Variants in MPPED2 observed in about 807,000 individuals in gnomAD.
The protein encoded by MPPED2 is metallophosphoesterase domain containing 2.
A neutral mutation model predicts 33.0 loss-of-function variants in MPPED2; 5 were observed. The ratio of observed to expected loss-of-function variants is 0.15; its 90% CI spans 0.08 to 0.32. MPPED2 has a LOEUF of 0.32. MPPED2 is among the 10% of genes least tolerant of loss of function. The probability of loss-of-function intolerance (pLI) is 1.00; values close to 1 mark genes in which losing one functional copy is unlikely to be tolerated. For synonymous variants in MPPED2, 136 were observed against 141.9 expected, an observed-to-expected ratio of 0.96 and a Z score of 0.29; for missense variants, 275 against 372.1, an observed-to-expected ratio of 0.74 and a Z score of 2.15.
At chr11:30,456,532 C>T (rs1264040894) in intron 4 of MPPED2, among the ~76,000 whole-genome samples, 1 of 151,970 alleles carries the variant, frequency 6.6e-6, no homozygotes, top group African/African-American at 2.4e-5. Flanking sequence ...CTGTGTTTCT[C>T]CCCAATCCTG....
intron 4 of MPPED2, among the ~76,000 whole-genome samples, chr11:30,431,495 T>C (rs2133846614): frequency 6.6e-6 from 1 of 152,338 alleles, no homozygotes; most frequent in Non-Finnish European, 1.5e-5. Context: ...ATAAAGCTCC[T>C]AGCAGAGTGC....
chr11:30,574,501 G>A (rs112512419), intron 2 of MPPED2, among the ~76,000 whole-genome samples: 1 of 152,322 alleles, frequency 6.6e-6, no homozygotes, highest in African/African-American at 2.4e-5. Context: ...CTGTCATTAA[G>A]TGACACCATA....
At chr11:30,493,586 A>T (rs1005657356) in intron 4 of MPPED2, among the ~76,000 whole-genome samples, 2 of 38,500 alleles carry the variant, frequency 5.2e-5, no homozygotes, top group African/African-American at 2.4e-4. Flanking sequence ...TTTGCTCTAT[A>T]TACACCCTCA....
At chr11:30,469,366 T>C (rs1468705017) in intron 4 of MPPED2, among the ~76,000 whole-genome samples, 5 of 152,126 alleles carry the variant, frequency 3.3e-5, no homozygotes, top group Non-Finnish European at 2.9e-5. Flanking sequence ...ACTTACTAGA[T>C]GACAGACATG....
chr11:30,467,848 C>T (rs2134038819), intron 4 of MPPED2, among the ~76,000 whole-genome samples: 1 of 152,294 alleles, frequency 6.6e-6, no homozygotes, highest in South Asian at 2.1e-4. Flanking sequence ...AGAGATGCAG[C>T]TGTGGAACTG....
intron 2 of MPPED2, among the ~76,000 whole-genome samples, chr11:30,550,049 A>G (rs546976817): frequency 1.2e-4 from 19 of 152,266 alleles, no homozygotes; most frequent in Admixed American, 9.2e-4. Flanking sequence ...TGCTTTGAAG[A>G]CAGTGCTAAT....
chr11:30,564,965 T>C (rs1391825421), intron 2 of MPPED2, among the ~76,000 whole-genome samples: 1 of 152,136 alleles, frequency 6.6e-6, no homozygotes, highest in Admixed American at 6.6e-5. Flanking sequence ...CTGACTCCAA[T>C]TCATCAAAAA....
At chr11:30,533,190 G>T (rs1590746733) in intron 3 of MPPED2, among the ~76,000 whole-genome samples, 1 of 152,158 alleles carries the variant, frequency 6.6e-6, no homozygotes, top group East Asian at 1.9e-4. Flanking sequence ...TACTTGGGTG[G>T]ATACTCAGCC....
chr11:30,454,227 C>T (rs551328320), intron 4 of MPPED2, among the ~76,000 whole-genome samples: 10 of 152,266 alleles, frequency 6.6e-5, no homozygotes, highest in Non-Finnish European at 1.0e-4. Context: ...CTCTTACAGC[C>T]TCATTAAATC....
At chr11:30,472,461 T>A (rs1363302645) in intron 4 of MPPED2, among the ~76,000 whole-genome samples, 3 of 152,176 alleles carry the variant, frequency 2.0e-5, no homozygotes, top group African/African-American at 4.8e-5. Context: ...ATTTTCAACC[T>A]GATGCTCACA....
intron 3 of MPPED2, among the ~76,000 whole-genome samples, chr11:30,514,970 C>A (rs1565144020): frequency 1.3e-5 from 2 of 152,126 alleles, no homozygotes; most frequent in Non-Finnish European, 2.9e-5. Context: ...TGGCACACAC[C>A]TGTAACCCCA....
rs143426984 is a variant in MPPED2 at position 30,560,610 on chromosome 11, T to C, written c.128+19636A>G. ...GCTCCGTAGAATGCCACAAATTTGG[T>C]CACAAAGGAAAATGAAAGCAAGCAC... On this transcript the variant is annotated intron_variant, in intron 2 of 6. Coordinates refer to ENST00000358117, the MANE Select transcript of MPPED2 (RefSeq NM_001584.3). 9.2e-3 allele frequency among the ~76,000 whole-genome samples: 1,393 copies of C among 152,170 alleles called. 27 individuals are homozygous for C. Among genetic ancestry groups the C allele is most frequent in the Admixed American group, 0.05 (769 of 15,286 alleles).
intron 3 of MPPED2, chr11:30,501,601 T>C: frequency 3.1e-6 from 3 of 975,442 alleles, no homozygotes; most frequent in Non-Finnish European, 3.7e-6. Context: ...CATGAATGAT[T>C]AGTATAACCT....
At chr11:30,521,126 AT>A (rs1221368326) in intron 3 of MPPED2, among the ~76,000 whole-genome samples, 1 of 152,190 alleles carries the variant, frequency 6.6e-6, no homozygotes, top group Non-Finnish European at 1.5e-5. Flanking sequence ...GTTAGCTGTA[AT>A]TTATGAATTT....
intron 6 of MPPED2, 151 bp from the exon 7 acceptor site, chr11:30,411,737 G>T: frequency 2.2e-6 from 1 of 462,876 alleles, no homozygotes; most frequent in Non-Finnish European, 3.7e-6. Flanking sequence ...ACTTTCAGAA[G>T]CTACTGCCCA....
chr11:30,577,397 A>C (rs1014819443), intron 2 of MPPED2, among the ~76,000 whole-genome samples: 3 of 152,210 alleles, frequency 2.0e-5, no homozygotes, highest in African/African-American at 7.2e-5. Flanking sequence ...CTCAAGTGTA[A>C]GTGAAAAAAG....
chr11:30,488,570 T>C (rs1339390353), intron 4 of MPPED2, among the ~76,000 whole-genome samples: 3 of 152,208 alleles, frequency 2.0e-5, no homozygotes, highest in African/African-American at 7.2e-5. Context: ...TATTTACTGA[T>C]TTGGTCATCA....
chr11:30,451,120 C>A (rs369208871), intron 4 of MPPED2, among the ~76,000 whole-genome samples: 1 of 152,204 alleles, frequency 6.6e-6, no homozygotes, highest in South Asian at 2.1e-4. Context: ...CTGGGCAAAT[C>A]GGTTCCCCTC....
At chr11:30,401,503 G>A (rs1264330045) in intron 6 of MPPED2, among the ~76,000 whole-genome samples, 2 of 152,226 alleles carry the variant, frequency 1.3e-5, no homozygotes, top group East Asian at 3.8e-4. Context: ...TGTACTGGGT[G>A]TGCCATCACA....
Sources: allele counts gnomAD v4.1 joint callset (sites outside exome capture counted in the v4.1 genomes callset), GRCh38; gene constraint gnomAD v4.1.1; transcripts MANE v1.5; gene names NCBI Gene and HGNC (gene_info 2026-07-23, HGNC 2026-07-21).